Variants in NTRK3 observed in about 807,000 individuals in gnomAD.
NTRK3 encodes the protein neurotrophic receptor tyrosine kinase 3, also known as NT-3 growth factor receptor.
NTRK3 carries 24 observed loss-of-function variants against 91.7 expected under a neutral mutation model. The observed-to-expected ratio is 0.26, with a 90% CI of 0.19 to 0.37. The LOEUF is 0.37. Ranked by LOEUF, NTRK3 falls within the 10% of genes least tolerant of loss-of-function variation. The pLI is 1.00. For synonymous variants in NTRK3, 483 were observed against 404.0 expected, an observed-to-expected ratio of 1.20 and a Z score of -2.34; for missense variants, 880 against 1,068.9, an observed-to-expected ratio of 0.82 and a Z score of 2.46.
At chr15:88,083,535 T>C (rs1409585375) in intron 13 of NTRK3, among the ~76,000 whole-genome samples, 1 of 152,148 alleles carries the variant, frequency 6.6e-6, no homozygotes, top group African/African-American at 2.4e-5. Flanking sequence ...AGTTTTCTAA[T>C]AGCGTGTCTG....
intron 16 of NTRK3, among the ~76,000 whole-genome samples, chr15:87,930,254 GT>G (rs2068676953): frequency 6.6e-6 from 1 of 152,166 alleles, no homozygotes; most frequent in African/African-American, 2.4e-5. Context: ...GCCCGGATTT[GT>G]TATTCTAACA....
intron 16 of NTRK3, among the ~76,000 whole-genome samples, chr15:87,932,564 A>G (rs1241744135): frequency 6.6e-6 from 1 of 152,108 alleles, no homozygotes; most frequent in Admixed American, 6.5e-5. Context: ...CTTCTTACTC[A>G]TCATCAAAAA....
At chr15:88,006,654 C>A (rs2076510161) in intron 14 of NTRK3, among the ~76,000 whole-genome samples, 1 of 152,178 alleles carries the variant, frequency 6.6e-6, no homozygotes, top group South Asian at 2.1e-4. Flanking sequence ...AAGCAGTGAG[C>A]ATCTCCTTGA....
In NTRK3 at chr15:88,183,402, G is replaced by A. The variant is rs1271390909; in HGVS notation, c.395+16C>T. The A allele has an allele frequency of 3.1e-6, 5 of 1,613,482 alleles. No individual in the cohort carries two copies. Among genetic ancestry groups the A allele is most frequent in the African/African-American group, 2.7e-5 (2 of 74,910 alleles). On this transcript the variant is annotated intron_variant, in intron 5 of 18. Transcript: ENST00000394480. ...CTGCCATGTGCCCCCAATCCCTGCA[G>A]CCCAGCTCTACTCACATATAACGCA... is the stretch of plus-strand genomic sequence containing the variant.
chr15:88,098,392 A>G, intron 13 of NTRK3: 1 of 182,028 alleles, frequency 5.5e-6, no homozygotes, highest in Non-Finnish European at 1.2e-5. Flanking sequence ...AGCTCCCAAC[A>G]TTAACAAGGA....
chr15:87,984,613 C>T (rs546740595), intron 14 of NTRK3, among the ~76,000 whole-genome samples: 1 of 152,302 alleles, frequency 6.6e-6, no homozygotes, highest in Admixed American at 6.5e-5. Context: ...CAAACCTAAC[C>T]CACAGGCCGT....
chr15:88,168,369 G>C (rs929319163), intron 5 of NTRK3, among the ~76,000 whole-genome samples: 3 of 152,138 alleles, frequency 2.0e-5, no homozygotes, highest in East Asian at 1.9e-4. Context: ...GTGGAGATGG[G>C]TGGGAAGGGA....
rs2064703199 is a variant in NTRK3, at chr15:87,867,110, T to C, written c.*9825A>G. ...AAAAAGACAGACTGAGGCATTATAA[T>C]AGGCTTGTTGTCCCAGAGTCTCTTG... On this transcript the variant is annotated 3_prime_UTR_variant, in exon 19 of 19. Transcript: ENST00000394480. 3 of 224,970 alleles carry C rather than the reference T, an allele frequency of 1.3e-5. No individual in the cohort carries two copies. The South Asian group carries it at 5.5e-4, about 41-fold the overall frequency. 13.9% of individuals were successfully genotyped at this position (224,970 alleles called of 1,614,324 possible).
chr15:88,011,936 T>A (rs997865020), intron 14 of NTRK3, among the ~76,000 whole-genome samples: 2 of 152,158 alleles, frequency 1.3e-5, no homozygotes, highest in African/African-American at 4.8e-5. Context: ...CCAAATCCCT[T>A]ACGTACATTA....
intron 14 of NTRK3, among the ~76,000 whole-genome samples, chr15:87,951,149 T>C (rs1470132020): frequency 6.6e-6 from 1 of 152,150 alleles, no homozygotes; most frequent in Non-Finnish European, 1.5e-5. Flanking sequence ...GGGGTACCCG[T>C]CCCCACTTCC....
intron 3 of NTRK3, among the ~76,000 whole-genome samples, chr15:88,221,194 A>G (rs1322992665): frequency 6.6e-6 from 1 of 152,252 alleles, no homozygotes; most frequent in African/African-American, 2.4e-5. Context: ...ACATATAAAG[A>G]AAAGTAAAGT....
At chr15:87,888,642 C>T (rs1442531419) in intron 17 of NTRK3, among the ~76,000 whole-genome samples, 11 of 152,174 alleles carry the variant, frequency 7.2e-5, no homozygotes, top group African/African-American at 1.2e-4. Context: ...TTGCTTCACA[C>T]GTTAGCAGGG....
chr15:88,106,962 A>C (rs2050777972), intron 13 of NTRK3, among the ~76,000 whole-genome samples: 2 of 151,954 alleles, frequency 1.3e-5, no homozygotes, highest in Non-Finnish European at 2.9e-5. Context: ...AAGTATGGGA[A>C]TATAGATACT....
intron 17 of NTRK3, among the ~76,000 whole-genome samples, chr15:87,910,950 A>G (rs2067056872): frequency 6.6e-6 from 1 of 152,208 alleles, no homozygotes; most frequent in African/African-American, 2.4e-5. Context: ...CAGTGGTAAG[A>G]TCAGAAGCCC....
intron 13 of NTRK3, among the ~76,000 whole-genome samples, chr15:88,080,197 G>A (rs1047273168): frequency 1.3e-5 from 2 of 152,140 alleles, no homozygotes; most frequent in Admixed American, 6.5e-5. Context: ...GGCCATCTCT[G>A]ATTATTTCCT....
intron 14 of NTRK3, among the ~76,000 whole-genome samples, chr15:87,967,056 T>A (rs552579770): frequency 2.0e-5 from 3 of 152,196 alleles, no homozygotes. Flanking sequence ...AAGCTCTTGA[T>A]GACAGGAAAT....
chr15:88,159,389 C>T (rs778889589), intron 5 of NTRK3, among the ~76,000 whole-genome samples: 6 of 152,124 alleles, frequency 3.9e-5, no homozygotes, highest in Non-Finnish European at 5.9e-5. Context: ...TCTCCCATTC[C>T]GGGTATCAGA....
intron 13 of NTRK3, among the ~76,000 whole-genome samples, chr15:88,068,807 G>C (rs867715002): frequency 6.6e-6 from 1 of 152,106 alleles, no homozygotes; most frequent in East Asian, 1.9e-4. Context: ...TGGGGCTCCA[G>C]GGAGATGCCA....
At chr15:88,092,738 C>G (rs1253878835) in intron 13 of NTRK3, among the ~76,000 whole-genome samples, 1 of 152,204 alleles carries the variant, frequency 6.6e-6, no homozygotes, top group African/African-American at 2.4e-5. Flanking sequence ...TCTGTTTCAG[C>G]TTCTTTCTAG....
Sources: gnomAD v4.1 joint callset for allele counts (sites outside exome capture counted in the v4.1 genomes callset) on GRCh38, gnomAD v4.1.1 for gene constraint, MANE v1.5 for transcripts, NCBI Gene and HGNC (gene_info 2026-07-23, HGNC 2026-07-21) for gene names.